KMT2C: variants seen among roughly 807,000 people sequenced by gnomAD.
KMT2C encodes lysine methyltransferase 2C.
Under a neutral mutation model 507.9 loss-of-function variants are expected in KMT2C, and 88 were observed. The ratio of observed to expected loss-of-function variants is 0.17; its 90% confidence interval spans 0.15 to 0.21. The LOEUF is 0.21. Ranked by LOEUF, KMT2C falls within the 10% of genes least tolerant of loss-of-function variation. KMT2C has a pLI of 1.00. For missense variants in KMT2C, 4,954 were observed against 5,957.8 expected, an observed-to-expected ratio of 0.83 and a Z score of 5.55; for synonymous variants, 2,049 against 2,080.8, an observed-to-expected ratio of 0.98 and a Z score of 0.42.
rs1554680382 is a variant in KMT2C, at chr7:152,364,934, G to GACAGACACACACAC, written c.162-6260_162-6259insGTGTGTGTGTCTGT. Among the ~76,000 whole-genome samples the GACAGACACACACAC allele has an allele frequency of 4.7e-3, 643 of 138,148 alleles. 6 individuals are homozygous for GACAGACACACACAC. The highest frequency in any genetic ancestry group is 0.016 in the African/African-American group (587 of 36,556). 90.6% of individuals were successfully genotyped at this position (138,148 alleles called of 152,430 possible). ...AGCACAACAAAATCTGAAACAGACA[G>GACAGACACACACAC]ACACACACACACACACACACACACA... is the stretch of plus-strand genomic sequence containing the variant. On this transcript the variant is annotated intron_variant, in intron 1 of 58. Transcript: ENST00000262189.
intron 1 of KMT2C, among the ~76,000 whole-genome samples, chr7:152,389,620 T>C (rs1178312418): frequency 1.3e-5 from 2 of 152,244 alleles, no homozygotes; most frequent in African/African-American, 2.4e-5. Context: ...TTTTATTTTT[T>C]TGTAGACATG....
chr7:152,139,212 G>A lies in KMT2C; in HGVS notation c.14508C>T (p.Asp4836=), dbSNP rs139864611. The change falls in exon 57 of 59, where the codon GAC becomes GAT. Residue 4836 remains aspartate, a synonymous_variant. Coordinates refer to ENST00000262189, the MANE Select transcript of KMT2C (RefSeq NM_170606.3). ...TTGCGGGCCCTCCTGTGAGCGTCGC[G>A]TCAATCACATGGTCGTTATCCATGC... The part of the protein sequence containing the change: ...MFRMDNDHVI[D]ATLTGGPARY... 3.0e-5 allele frequency: 49 copies of A among 1,613,780 alleles called. No individual in the cohort carries two copies. Among genetic ancestry groups the A allele is most frequent in the Middle Eastern group, 1.6e-4 (1 of 6,084 alleles).
At chr7:152,354,702 A>G (rs1284376096) in intron 2 of KMT2C, among the ~76,000 whole-genome samples, 3 of 152,182 alleles carry the variant, frequency 2.0e-5, no homozygotes, top group African/African-American at 7.2e-5. Flanking sequence ...AAAAGTGCAA[A>G]TGCCTGAGAA....
At chr7:152,142,508 AAG>A (rs1171035123) in intron 55 of KMT2C, among the ~76,000 whole-genome samples, 5 of 152,352 alleles carry the variant, frequency 3.3e-5, no homozygotes, top group Admixed American at 3.3e-4. Context: ...AGTGTGCAGT[AAG>A]AGACTTTTTA....
chr7:152,256,320 T>C (rs77935560), intron 9 of KMT2C, among the ~76,000 whole-genome samples: 1,580 of 151,860 alleles, frequency 0.01, 36 homozygotes, highest in African/African-American at 0.037. Context: ...AAGAAACTTT[T>C]GCATGGCAAA....
chr7:152,257,898 C>T (rs1214660818), intron 9 of KMT2C, among the ~76,000 whole-genome samples: 1 of 151,728 alleles, frequency 6.6e-6, no homozygotes, highest in Non-Finnish European at 1.5e-5. Context: ...AAAAACACCT[C>T]ATAATGTTTT....
chr7:152,146,662 C>T lies in KMT2C; in HGVS notation c.13968G>A (p.Ala4656=), dbSNP rs757262235. 45 of 1,613,970 alleles carry T rather than the reference C, an allele frequency of 2.8e-5. No individual in the cohort carries two copies. Among genetic ancestry groups the T allele is most frequent in the Middle Eastern group, 3.3e-4 (2 of 6,084 alleles). ...KKSEMLQLFP[A]YLKGEDLFGL... Reference sequence around the variant, plus strand: ...CAAACAGATCCTCTCCTTTTAAATACGCTGGGAAAAGCTGGAGCATTTCAG... The same window carrying T: ...CAAACAGATCCTCTCCTTTTAAATATGCTGGGAAAAGCTGGAGCATTTCAG... Residue 4656 remains alanine (A), a synonymous_variant, in exon 53 of 59, where the codon GCG becomes GCA. Coordinates refer to ENST00000262189, the MANE Select transcript of KMT2C (RefSeq NM_170606.3).
Position 152,199,475 on chromosome 7 carries a change from CA to C in KMT2C, c.4093-17del, listed in dbSNP as rs2094067480. ...AGAAAGCTTCCTAGATGAAGATAAG[CA>C]CATACAAAAATGGTTAGAAAATTCT... is the stretch of plus-strand genomic sequence containing the variant. On this transcript the variant is annotated splice_polypyrimidine_tract_variant and intron_variant, in intron 26 of 58. Transcript: ENST00000262189. 6.7e-7 allele frequency: 1 copy of C among 1,495,046 alleles called. No homozygotes were observed. The highest frequency in any genetic ancestry group is 8.9e-7 in the Non-Finnish European group (1 of 1,123,490). 92.6% of individuals were successfully genotyped at this position (1,495,046 alleles called of 1,614,324 possible).
At chr7:152,224,348 A>C in intron 19 of KMT2C, 87 bp downstream of exon 19, 1 of 1,377,926 alleles carries the variant, frequency 7.3e-7, no homozygotes, top group Admixed American at 2.0e-5. Flanking sequence ...ATTCAATTAA[A>C]TAGGTGTGGC....
At chr7:152,425,552 G>C (rs1469939665) in intron 1 of KMT2C, among the ~76,000 whole-genome samples, 1 of 152,182 alleles carries the variant, frequency 6.6e-6, no homozygotes, top group African/African-American at 2.4e-5. Flanking sequence ...ACTCCAGCCA[G>C]GGTGACAAGA....
At chr7:152,162,037 TA>T (rs2092480907) in intron 43 of KMT2C, 79 bp downstream of exon 43, 4 of 1,402,376 alleles carry the variant, frequency 2.9e-6, no homozygotes, top group Non-Finnish European at 3.7e-6. Context: ...AATGTGGAAA[TA>T]CAGTTGCTGG....
At chr7:152,209,928 T>A (rs1483906219) in intron 23 of KMT2C, among the ~76,000 whole-genome samples, 1 of 152,084 alleles carries the variant, frequency 6.6e-6, no homozygotes, top group Non-Finnish European at 1.5e-5. Context: ...ACAAGAGATT[T>A]AATTATCTGC....
intron 53 of KMT2C, 87 bp downstream of exon 53, chr7:152,146,512 G>C (rs2091114520): frequency 1.5e-6 from 2 of 1,318,440 alleles, no homozygotes; most frequent in Admixed American, 1.8e-5. Flanking sequence ...TTTCTGAAGA[G>C]TGCCACAAAT....
intron 7 of KMT2C, among the ~76,000 whole-genome samples, chr7:152,266,923 T>C (rs919822912): frequency 4.6e-5 from 7 of 152,246 alleles, no homozygotes; most frequent in East Asian, 3.8e-4. Context: ...CCAATGCCCA[T>C]AGGAAACCCG....
rs765588109 is a variant in KMT2C, at chr7:152,152,837, T to C, written c.12394A>G (p.Ile4132Val). ...TGTCGATACTCCAAACCCGGGTTGA[T>C]TCTGTGGCTACTGACCAAACCCATG... ...PSMGLVSSHR[I>V]NPGLEYRQHL... The change falls in exon 49 of 59, where the codon ATC becomes GTC. Residue 4132 changes from isoleucine (I) to valine (V), a missense_variant. By Grantham distance (29) the Ile-to-Val change is conservative. Around this residue, in one of 29 missense-constraint regions of KMT2C, gnomAD observed 417 missense variants for 461.1 expected, o/e 0.90. Transcript: ENST00000262189. 34 of 1,614,022 alleles carry C rather than the reference T, an allele frequency of 2.1e-5. No individual in the cohort carries two copies. Among genetic ancestry groups the C allele is most frequent in the Non-Finnish European group, 2.6e-5 (31 of 1,180,024 alleles).
intron 55 of KMT2C, among the ~76,000 whole-genome samples, chr7:152,140,075 T>C (rs1441614927): frequency 1.3e-5 from 2 of 152,232 alleles, no homozygotes; most frequent in East Asian, 3.8e-4. Context: ...TGTATTAGGC[T>C]ATCTAACCTT....
chr7:152,181,532 C>G lies in KMT2C; in HGVS notation c.6328G>C (p.Ala2110Pro). Residue 2110 changes from alanine (A) to proline (P), a missense_variant, in exon 36 of 59, where the codon GCC becomes CCC. By Grantham distance (27) the Ala-to-Pro change is conservative. Around this residue, in one of 29 missense-constraint regions of KMT2C, gnomAD observed 1,689 missense variants for 1,654.3 expected, o/e 1.02. Transcript: ENST00000262189. ...TGGGAAAAAGCCCTTGAAGGATGGG[C>G]AAAAGATTCATTCACTGCTGGATGT... ...TPHPAVNESF[A>P]HPSRAFSQPG... is the part of the protein sequence containing the mutation. 1 of 1,613,826 alleles carries G rather than the reference C, an allele frequency of 6.2e-7. No individual in the cohort carries two copies. Among genetic ancestry groups the G allele is most frequent in the African/African-American group, 1.3e-5 (1 of 74,940 alleles).
intron 1 of KMT2C, among the ~76,000 whole-genome samples, chr7:152,387,134 A>T (rs6954925): frequency 6.6e-6 from 1 of 151,888 alleles, no homozygotes; most frequent in African/African-American, 2.4e-5. Context: ...TACCATGTAC[A>T]TTAAAGAGAT....
At chr7:152,153,592 T>G (rs1587727587) in intron 48 of KMT2C, among the ~76,000 whole-genome samples, 1 of 152,300 alleles carries the variant, frequency 6.6e-6, no homozygotes, top group East Asian at 1.9e-4. Context: ...ATGGACATGA[T>G]GGCTCACACA....
Sources: allele counts gnomAD v4.1 joint callset (sites outside exome capture counted in the v4.1 genomes callset), GRCh38; gene constraint gnomAD v4.1.1; regional missense constraint gnomAD v4.1.1; transcripts MANE v1.5; gene names NCBI Gene and HGNC (gene_info 2026-07-23, HGNC 2026-07-21).